GRM7: variants seen among roughly 807,000 people sequenced by gnomAD.
The protein encoded by GRM7 is metabotropic glutamate receptor 7.
GRM7 carries 35 observed loss-of-function variants against 84.5 expected under a neutral mutation model. That is an observed-to-expected ratio of 0.41 (90% CI 0.32 to 0.55). The LOEUF is 0.55. GRM7 is among the 20% of genes least tolerant of loss of function. The probability of loss-of-function intolerance (pLI) is 0.19; values close to 1 mark genes in which losing one functional copy is unlikely to be tolerated. For synonymous variants in GRM7, 487 were observed against 455.1 expected, an observed-to-expected ratio of 1.07 and a Z score of -0.89; for missense variants, 1,003 against 1,194.6, an observed-to-expected ratio of 0.84 and a Z score of 2.36.
intron 8 of GRM7, among the ~76,000 whole-genome samples, chr3:7,679,134 G>A (rs770498122): frequency 5.3e-5 from 8 of 152,116 alleles, no homozygotes; most frequent in Admixed American, 6.6e-5. Context: ...CTGTGAGTGC[G>A]GGCAGCCTGG....
chr3:7,338,795 C>T lies in GRM7; in HGVS notation c.1033+32143C>T, dbSNP rs138027247. 4.1e-3 allele frequency among the ~76,000 whole-genome samples: 623 copies of T among 152,154 alleles called. 8 individuals are homozygous for T. Among genetic ancestry groups the T allele is most frequent in the African/African-American group, 0.014 (580 of 41,518 alleles). ...TAAACAAGCGTATAAATTTGGGGTA[C>T]ACTAGTGTTGAAACCAACAAATTAT... On this transcript the variant is annotated intron_variant, in intron 4 of 9. Transcript: ENST00000357716.
intron 7 of GRM7, among the ~76,000 whole-genome samples, chr3:7,571,066 C>T (rs987731543): frequency 2.0e-5 from 3 of 152,170 alleles, no homozygotes; most frequent in African/African-American, 7.2e-5. Context: ...CTATGCTTCA[C>T]ACAGCACAGG....
chr3:6,876,817 G>T (rs1272573570), intron 1 of GRM7, among the ~76,000 whole-genome samples: 1 of 151,974 alleles, frequency 6.6e-6, no homozygotes, highest in South Asian at 2.1e-4. Flanking sequence ...GGCCAGGCTG[G>T]TCTCAAACTC....
At chr3:7,655,680 T>G (rs1699147726) in intron 8 of GRM7, among the ~76,000 whole-genome samples, 2 of 152,138 alleles carry the variant, frequency 1.3e-5, no homozygotes, top group Admixed American at 6.5e-5. Flanking sequence ...CACCTTCACA[T>G]AGGTTTGTCA....
chr3:6,876,438 T>G (rs976981814), intron 1 of GRM7, among the ~76,000 whole-genome samples: 5 of 151,926 alleles, frequency 3.3e-5, no homozygotes, highest in African/African-American at 4.8e-5. Context: ...TTCATCCAAG[T>G]TTTTTGAGAG....
chr3:7,716,661 A>T (rs548754507), intron 9 of GRM7, among the ~76,000 whole-genome samples: 1 of 152,028 alleles, frequency 6.6e-6, no homozygotes, highest in Non-Finnish European at 1.5e-5. Context: ...TGGACATCCT[A>T]CTCCCATGGG....
chr3:7,025,810 G>T (rs1695960908), intron 1 of GRM7, among the ~76,000 whole-genome samples: 1 of 152,196 alleles, frequency 6.6e-6, no homozygotes, highest in Non-Finnish European at 1.5e-5. Context: ...TGAGAGAATG[G>T]CACTGGCAGC....
chr3:7,050,470 T>A (rs1696954401), intron 1 of GRM7, among the ~76,000 whole-genome samples: 1 of 151,888 alleles, frequency 6.6e-6, no homozygotes, highest in Admixed American at 6.6e-5. Flanking sequence ...AAACACATGT[T>A]ATATCCACTA....
Position 7,130,941 on chromosome 3 carries a change from A to T in GRM7, c.520-15511A>T, listed in dbSNP as rs1012178663. ...ACAGGAGGTATTTCTTCACTCACTCACACACACACACACACACACGCACAC... is the reference window on the plus strand; with the variant it reads ...ACAGGAGGTATTTCTTCACTCACTCTCACACACACACACACACACGCACAC... On this transcript the variant is annotated intron_variant, in intron 1 of 9. Coordinates refer to ENST00000357716, the MANE Select transcript of GRM7 (RefSeq NM_000844.4). Among the ~76,000 whole-genome samples, 127 of 148,788 alleles carry T rather than the reference A, an allele frequency of 8.5e-4. 2 individuals carry two copies. The highest frequency in any genetic ancestry group is 4.0e-4 in the Admixed American group (6 of 14,968).
chr3:7,439,447 G>C lies in GRM7; in HGVS notation c.1175-13160G>C, dbSNP rs1697195430. Reference sequence around the variant, plus strand: ...AGAGCCAGAAAAGGTTGATACTCTGGCTACTACTGTTTCTGTGAAAGATAA... The same window carrying C: ...AGAGCCAGAAAAGGTTGATACTCTGCCTACTACTGTTTCTGTGAAAGATAA... On this transcript the variant is annotated intron_variant, in intron 5 of 9. Transcript: ENST00000357716. Among the ~76,000 whole-genome samples, 8 of 152,124 alleles carry C rather than the reference G, an allele frequency of 5.3e-5. No homozygotes were observed. In the South Asian group the frequency reaches 1.7e-3, roughly 32 times the overall value.
At chr3:7,698,201 C>T (rs1701091998) in intron 9 of GRM7, among the ~76,000 whole-genome samples, 1 of 152,124 alleles carries the variant, frequency 6.6e-6, no homozygotes, top group Non-Finnish European at 1.5e-5. Context: ...GAAAGTCTGA[C>T]TATGGCTTAA....
intron 1 of GRM7, among the ~76,000 whole-genome samples, chr3:6,893,401 G>T (rs1204825773): frequency 6.6e-6 from 1 of 152,128 alleles, no homozygotes; most frequent in Admixed American, 6.6e-5. Flanking sequence ...TCTGTCATTG[G>T]TTCTATTGGT....
At chr3:7,581,126 A>G (rs1220342892) in intron 8 of GRM7, among the ~76,000 whole-genome samples, 1 of 152,200 alleles carries the variant, frequency 6.6e-6, no homozygotes, top group Non-Finnish European at 1.5e-5. Context: ...TGCAATGCCT[A>G]TTTGACAATA....
chr3:7,497,936 A>T (rs183787456), intron 7 of GRM7, among the ~76,000 whole-genome samples: 24 of 152,318 alleles, frequency 1.6e-4, no homozygotes, highest in Admixed American at 5.9e-4. Context: ...ATTACTAACA[A>T]TCAATAATAA....
intron 7 of GRM7, among the ~76,000 whole-genome samples, chr3:7,463,976 A>G (rs1302173682): frequency 6.6e-6 from 1 of 152,134 alleles, no homozygotes; most frequent in Non-Finnish European, 1.5e-5. Flanking sequence ...AGAAAGACCA[A>G]TTATGATTCT....
At chr3:7,315,122 C>G (rs187303552) in intron 4 of GRM7, among the ~76,000 whole-genome samples, 78 of 151,922 alleles carry the variant, frequency 5.1e-4, no homozygotes, top group African/African-American at 1.9e-3. Context: ...AAAAACAAAA[C>G]AAAACAAAAA....
chr3:7,333,897 G>C, intron 4 of GRM7, among the ~76,000 whole-genome samples: 1 of 151,914 alleles, frequency 6.6e-6, no homozygotes, highest in Admixed American at 6.6e-5. Flanking sequence ...TTTGAATTAA[G>C]CCAATCAGAC....
chr3:7,664,164 A>G (rs973004371), intron 8 of GRM7, among the ~76,000 whole-genome samples: 1 of 152,212 alleles, frequency 6.6e-6, no homozygotes, highest in African/African-American at 2.4e-5. Context: ...TCTCAACCCA[A>G]GATGAGAGTC....
chr3:7,530,438 T>C (rs1014933532), intron 7 of GRM7, among the ~76,000 whole-genome samples: 4 of 152,226 alleles, frequency 2.6e-5, no homozygotes, highest in Non-Finnish European at 4.4e-5. Context: ...GAATGATTTA[T>C]AATCCTTTGG....
Sources: gnomAD v4.1 joint callset for allele counts (sites outside exome capture counted in the v4.1 genomes callset) on GRCh38, gnomAD v4.1.1 for gene constraint, MANE v1.5 for transcripts, NCBI Gene and HGNC (gene_info 2026-07-23, HGNC 2026-07-21) for gene names.